MUC5AC: variants seen among roughly 807,000 people sequenced by gnomAD.
MUC5AC encodes the protein mucin-5AC.
A neutral mutation model predicts 169.7 loss-of-function variants in MUC5AC; 158 were observed. The observed-to-expected ratio is 0.93, with a 90% CI of 0.82 to 1.06. MUC5AC has a LOEUF of 1.06. Ranked by LOEUF, MUC5AC falls within the 50% of genes least tolerant of loss-of-function variation. The pLI is 0.00. For synonymous variants in MUC5AC, 1,975 were observed against 1,237.0 expected (o/e 1.60, Z -12.52); for missense variants, 4,359 against 3,089.9 (o/e 1.41, Z -9.74).
chr11:1,181,064 T>C (rs1860806011), intron 28 of MUC5AC, 75 bp from the exon 29 acceptor site: 7 of 398,462 alleles, frequency 1.8e-5, no homozygotes, highest in South Asian at 2.5e-4. Flanking sequence ...CTGCCCGCCG[T>C]TGGTAGCATG....
chr11:1,193,426 C>G (rs921686160), intron 32 of MUC5AC, 59 bp from the exon 33 acceptor site: 4 of 671,642 alleles, frequency 6.0e-6, no homozygotes, highest in African/African-American at 5.3e-5. Context: ...CCCCGAGAAC[C>G]AAGGGGTGCC....
At chr11:1,160,878 G>A (rs1214979512) in intron 2 of MUC5AC, among the ~76,000 whole-genome samples, 189 bp downstream of exon 2, 1 of 152,214 alleles carries the variant, frequency 6.6e-6, no homozygotes, top group Non-Finnish European at 1.5e-5. Flanking sequence ...GCCTCTCCTT[G>A]GGCCAGCCCC....
rs1245605299 is a variant in MUC5AC at position 1,167,940 on chromosome 11, G to A, written c.1450G>A (p.Glu484Lys). 9 of 1,550,866 alleles carry A rather than the reference G, an allele frequency of 5.8e-6. No homozygotes were observed. Among genetic ancestry groups the A allele is most frequent in the Admixed American group, 2.0e-5 (1 of 51,060 alleles). The change falls in exon 12 of 49, where the codon GAG becomes AAG. Residue 484 changes from glutamate to lysine, a missense_variant. Transcript: ENST00000621226. ...GCGCAGGTGCGGGCTGACGGACAGCGAGACCTGCCTGAAGAGCGTGACACT... is the reference window on the plus strand; with the variant it reads ...GCGCAGGTGCGGGCTGACGGACAGCAAGACCTGCCTGAAGAGCGTGACACT... ...ELRRCGLTDS[E>K]TCLKSVTLSL...
At chr11:1,165,271 C>A in intron 9 of MUC5AC, 31 bp from the exon 10 acceptor site, 1 of 1,585,652 alleles carries the variant, frequency 6.3e-7, no homozygotes, top group Non-Finnish European at 8.6e-7. Context: ...ACACAGCAGG[C>A]GCCCGTCATA....
At chr11:1,180,910 G>A (rs1029361825) in intron 28 of MUC5AC, among the ~76,000 whole-genome samples, 2 of 151,936 alleles carry the variant, frequency 1.3e-5, no homozygotes. Flanking sequence ...CCTGACCCCC[G>A]ACTGGAGGGG....
intron 16 of MUC5AC, among the ~76,000 whole-genome samples, chr11:1,173,197 C>T (rs1282730204): frequency 1.3e-5 from 2 of 151,844 alleles, no homozygotes; most frequent in Non-Finnish European, 2.9e-5. Context: ...CACTCATCCG[C>T]TCACTCATTT....
In MUC5AC at chr11:1,184,041, C is replaced by T. The variant is rs1308601276; in HGVS notation, c.5896C>T (p.Pro1966Ser). The T allele has an allele frequency of 2.5e-6, 1 of 393,418 alleles. No individual in the cohort carries two copies. Among genetic ancestry groups the T allele is most frequent in the Non-Finnish European group, 4.4e-6 (1 of 227,162 alleles). 24.4% of individuals were successfully genotyped at this position (393,418 alleles called of 1,614,324 possible). A position where few individuals can be genotyped will look rare whatever the true frequency, so the allele number is the denominator to read the frequency against. Residue 1966 changes from proline to serine, a missense_variant, in exon 31 of 49, where the codon CCT becomes TCT. Coordinates refer to ENST00000621226, the MANE Select transcript of MUC5AC (RefSeq NM_001304359.2). ...GACCGAGTGGATTGATGGCAGCTAC[C>T]CTGCTCCTGGAATAAATGGTGGAGA... ...TWTEWIDGSYPAPGINGGDFD... is the reference protein window; with the variant it reads ...TWTEWIDGSYSAPGINGGDFD...
In MUC5AC at chr11:1,182,195, C is replaced by T. The variant is rs1015624164; in HGVS notation, c.4050C>T (p.Ser1350=). The change falls in exon 31 of 49, where the codon AGC becomes AGT. Residue 1350 remains serine (S), a synonymous_variant. Transcript: ENST00000621226. The part of the protein sequence containing the change: ...STHTPSNGPS[S]AHTGPPSSAW... ...ACACCCCCAGCAATGGCCCAAGCAG[C>T]GCGCACACAGGCCCTCCGAGCAGCG... 4.8e-5 allele frequency: 19 copies of T among 398,606 alleles called. No individual in the cohort carries two copies. The highest frequency in any genetic ancestry group is 8.0e-5 in the Non-Finnish European group (18 of 226,138). The allele number at this position is 398,606 out of a possible 1,614,324, so 24.7% of individuals were successfully genotyped here. A position where few individuals can be genotyped will look rare whatever the true frequency, so the allele number is the denominator to read the frequency against.
chr11:1,192,740 A>C (rs753709418), intron 31 of MUC5AC, 43 bp from the exon 32 acceptor site: 1 of 728,070 alleles, frequency 1.4e-6, no homozygotes, highest in South Asian at 1.4e-5. Flanking sequence ...TTCTCCTTTG[A>C]GCAGGACTCC....
At position 1,193,611 on chromosome 11, in the gene MUC5AC, G is replaced by A. The variant is rs1861180402; in HGVS notation, c.14707G>A (p.Val4903Met). The stretch of plus-strand genomic sequence containing the variant: ...CACTTGTGCCAACGGCTACCCGGCT[G>A]TGAAGGTGGCTGACCAAGATGGCTG... ...KPTCANGYPA[V>M]KVADQDGCCH... is the part of the protein sequence containing the mutation. Residue 4903 changes from valine (V) to methionine (M), a missense_variant, in exon 33 of 49, where the codon GTG becomes ATG. Coordinates refer to ENST00000621226, the MANE Select transcript of MUC5AC (RefSeq NM_001304359.2). 2 of 765,004 alleles carry A rather than the reference G, an allele frequency of 2.6e-6. No homozygotes were observed. The highest frequency in any genetic ancestry group is 2.4e-6 in the Non-Finnish European group (1 of 417,844). 47.4% of individuals were successfully genotyped at this position (765,004 alleles called of 1,614,324 possible).
In MUC5AC at chr11:1,168,938, G is replaced by C. The variant is rs762753107; in HGVS notation, c.1782G>C (p.Ala594=). 20 of 1,611,582 alleles carry C rather than the reference G, an allele frequency of 1.2e-5. No homozygotes were observed. In the South Asian group the frequency reaches 2.0e-4, roughly 16 times the overall value. Residue 594 remains alanine (A), a synonymous_variant, in exon 15 of 49, where the codon GCG becomes GCC. Coordinates refer to ENST00000621226, the MANE Select transcript of MUC5AC (RefSeq NM_001304359.2). The part of the protein sequence containing the change: ...TLSGVVEATA[A]AFFNTFKTQA... The stretch of plus-strand genomic sequence containing the variant: ...GTGGGGTGGTGGAGGCCACCGCTGC[G>C]GCCTTCTTCAACACCTTCAAGACCC...
Position 1,189,521 on chromosome 11 carries a change from C to A in MUC5AC, c.11376C>A (p.Ile3792=). Residue 3792 remains isoleucine, a synonymous_variant, in exon 31 of 49, where the codon ATC becomes ATA. Coordinates refer to ENST00000621226, the MANE Select transcript of MUC5AC (RefSeq NM_001304359.2). The part of the protein sequence containing the change: ...STTSAPITST[I]SAPTTSTTST... ...CCTCTGCTCCCATAACCAGCACAATCTCTGCCCCTACAACCAGCACAACCT... is the reference window on the plus strand; with the variant it reads ...CCTCTGCTCCCATAACCAGCACAATATCTGCCCCTACAACCAGCACAACCT... The A allele has an allele frequency of 1.7e-6, 1 of 598,804 alleles. No individual in the cohort carries two copies. The allele number at this position is 598,804 out of a possible 1,614,324, so 37.1% of individuals were successfully genotyped here.
At chr11:1,159,861 T>A (rs1860083749) in intron 1 of MUC5AC, among the ~76,000 whole-genome samples, 1 of 110,710 alleles carries the variant, frequency 9.0e-6, no homozygotes, top group Non-Finnish European at 1.8e-5. Flanking sequence ...TGCGGGGCTG[T>A]GTGGGGCTGT....
chr11:1,199,207 G>C, intron 45 of MUC5AC, 22 bp downstream of exon 45: 1 of 753,938 alleles, frequency 1.3e-6, no homozygotes. Flanking sequence ...CTGCCACAAA[G>C]AGGAAGGGCA....
At chr11:1,171,296 A>T (rs1860517731) in intron 15 of MUC5AC, among the ~76,000 whole-genome samples, 1 of 127,864 alleles carries the variant, frequency 7.8e-6, no homozygotes, top group African/African-American at 3.1e-5. Flanking sequence ...CCATTCACCC[A>T]CTCACTCACC....
rs1860739425 is a variant in MUC5AC, at chr11:1,178,512, G to C, written c.3156G>C (p.Arg1052=). ...TTAATGACTTTGCCACGCGGAGCCG[G>C]TCTGTGGTGGGGGACGTGCTGGAGT... ...IAVNDFATRS[R]SVVGDVLEFG... Residue 1052 remains arginine (R), a synonymous_variant, in exon 25 of 49, where the codon CGG becomes CGC. Coordinates refer to ENST00000621226, the MANE Select transcript of MUC5AC (RefSeq NM_001304359.2). 1 of 1,241,194 alleles carries C rather than the reference G, an allele frequency of 8.1e-7. No individual in the cohort carries two copies. Among genetic ancestry groups the C allele is most frequent in the Admixed American group, 3.5e-5 (1 of 28,946 alleles). The allele number at this position is 1,241,194 out of a possible 1,614,324, so 76.9% of individuals were successfully genotyped here.
At position 1,190,689 on chromosome 11, in the gene MUC5AC, A is replaced by G. The variant is rs1861068136; in HGVS notation, c.12544A>G (p.Thr4182Ala). 2.9e-6 allele frequency: 2 copies of G among 694,800 alleles called. No homozygotes were observed. Among genetic ancestry groups the G allele is most frequent in the East Asian group, 2.7e-5 (1 of 37,208 alleles). 43.0% of individuals were successfully genotyped at this position (694,800 alleles called of 1,614,324 possible). The change falls in exon 31 of 49, where the codon ACA becomes GCA. Residue 4182 changes from threonine (T) to alanine (A), a missense_variant. Transcript: ENST00000621226. ...TACAACCAGCACAATCTCTGCCTCT[A>G]CAACCAGCACAATCTCTGCCCCTAC... ...APTTSTISAS[T>A]TSTISAPTTS...
Position 1,190,909 on chromosome 11 carries a change from C to A in MUC5AC, c.12764C>A (p.Thr4255Asn). ...PTTSTTSGPG[T>N]TPSPVPSTST... The stretch of plus-strand genomic sequence containing the variant: ...ACCAGCACAACCTCTGGTCCTGGAA[C>A]TACTCCAAGCCCTGTTCCCAGCACC... Residue 4255 changes from threonine (T) to asparagine (N), a missense_variant, in exon 31 of 49, where the codon ACT becomes AAT. By Grantham distance (65) the Thr-to-Asn change is moderately conservative. Transcript: ENST00000621226. 2 of 737,162 alleles carry A rather than the reference C, an allele frequency of 2.7e-6. No individual in the cohort carries two copies. Among genetic ancestry groups the A allele is most frequent in the Non-Finnish European group, 4.9e-6 (2 of 405,134 alleles). 45.7% of individuals were successfully genotyped at this position (737,162 alleles called of 1,614,324 possible). A position where few individuals can be genotyped will look rare whatever the true frequency, so the allele number is the denominator to read the frequency against.
chr11:1,170,724 A>C (rs1346619725), intron 15 of MUC5AC, among the ~76,000 whole-genome samples: 20 of 27,534 alleles, frequency 7.3e-4, no homozygotes, highest in East Asian at 2.0e-3. Flanking sequence ...CACTGACTCA[A>C]CCATTCACTC....
Sources: allele counts gnomAD v4.1 joint callset (sites outside exome capture counted in the v4.1 genomes callset), GRCh38; gene constraint gnomAD v4.1.1; transcripts MANE v1.5; gene names NCBI Gene and HGNC (gene_info 2026-07-23, HGNC 2026-07-21).